The following RAVER2 variants were observed in gnomAD, a reference collection of about 807,000 sequenced individuals.
RAVER2 encodes the protein ribonucleoprotein, PTB binding 2.
RAVER2 carries 46 observed loss-of-function variants against 78.1 expected under a neutral mutation model. The ratio of observed to expected loss-of-function variants is 0.59; its 90% confidence interval spans 0.46 to 0.75. The LOEUF (loss-of-function observed/expected upper bound fraction) is 0.75. Among genes scored for constraint, RAVER2 ranks in the 30% least tolerant of loss-of-function variants. RAVER2 has a pLI of 0.00. For missense variants in RAVER2, 793 were observed against 837.5 expected, an observed-to-expected ratio of 0.95 and a Z score of 0.66; for synonymous variants, 311 against 313.3, an observed-to-expected ratio of 0.99 and a Z score of 0.08.
Position 64,794,255 on chromosome 1 carries a change from G to A in RAVER2, c.1105+4741G>A, listed in dbSNP as rs374217439. ...CTACTAAAAATACAAAAAATTAGCCGGGCGTGGTGGTGGGCGCCTGTAGTC... is the reference window on the plus strand; with the variant it reads ...CTACTAAAAATACAAAAAATTAGCCAGGCGTGGTGGTGGGCGCCTGTAGTC... On this transcript the variant is annotated intron_variant, in intron 5 of 11. Transcript: ENST00000294428. 2.9e-4 allele frequency among the ~76,000 whole-genome samples: 44 copies of A among 152,008 alleles called. 7 individuals are homozygous for A. Among genetic ancestry groups the A allele is most frequent in the Admixed American group, 4.6e-4 (7 of 15,252 alleles).
At chr1:64,807,857 C>T (rs1435953980) in intron 9 of RAVER2, among the ~76,000 whole-genome samples, 2 of 152,050 alleles carry the variant, frequency 1.3e-5, no homozygotes, top group Non-Finnish European at 2.9e-5. Flanking sequence ...TTCAAAAATA[C>T]TTGCTATTTT....
At chr1:64,819,244 A>G (rs965885649) in intron 11 of RAVER2, among the ~76,000 whole-genome samples, 1 of 152,222 alleles carries the variant, frequency 6.6e-6, no homozygotes, top group Non-Finnish European at 1.5e-5. Flanking sequence ...TATGTTTAGG[A>G]ACTTAAAAGA....
intron 11 of RAVER2, among the ~76,000 whole-genome samples, chr1:64,817,110 T>C (rs955840991): frequency 2.0e-5 from 3 of 152,104 alleles, no homozygotes; most frequent in Admixed American, 2.0e-4. Context: ...AACAGACACT[T>C]CTCAAAAGAA....
At chr1:64,746,882 A>C (rs1009457688) in intron 1 of RAVER2, among the ~76,000 whole-genome samples, 1 of 152,248 alleles carries the variant, frequency 6.6e-6, no homozygotes, top group African/African-American at 2.4e-5. Context: ...TTTTTTAAAA[A>C]AACAAATTTA....
intron 3 of RAVER2, among the ~76,000 whole-genome samples, chr1:64,778,397 A>G (rs1652533268): frequency 6.6e-6 from 1 of 152,154 alleles, no homozygotes; most frequent in Admixed American, 6.6e-5. Flanking sequence ...ACTTTTATTT[A>G]CCATCTTCTG....
chr1:64,796,401 T>G (rs990956183), intron 5 of RAVER2, among the ~76,000 whole-genome samples: 1 of 152,052 alleles, frequency 6.6e-6, no homozygotes, highest in Non-Finnish European at 1.5e-5. Flanking sequence ...ATCAGCTGTG[T>G]CAAATTTTTT....
At chr1:64,771,739 G>A (rs1410224810) in intron 2 of RAVER2, among the ~76,000 whole-genome samples, 1 of 152,024 alleles carries the variant, frequency 6.6e-6, no homozygotes, top group African/African-American at 2.4e-5. Flanking sequence ...ATAAGTTAAA[G>A]ATGTATACTG....
intron 11 of RAVER2, among the ~76,000 whole-genome samples, chr1:64,825,905 C>T (rs2100903565): frequency 6.6e-6 from 1 of 152,304 alleles, no homozygotes; most frequent in Non-Finnish European, 1.5e-5. Context: ...TAGATGTGTG[C>T]AAAAGATTGG....
intron 4 of RAVER2, among the ~76,000 whole-genome samples, chr1:64,786,279 A>G (rs1020316937): frequency 6.6e-6 from 1 of 152,180 alleles, no homozygotes; most frequent in Non-Finnish European, 1.5e-5. Flanking sequence ...TTCTTTAGAA[A>G]TCATATTTGG....
exon 9 of RAVER2, chr1:64,807,453 A>AGATAAGTTCAGG (rs1653473707): frequency 6.2e-7 from 1 of 1,614,044 alleles, no homozygotes; most frequent in Non-Finnish European, 8.5e-7. Context: ...GCCAGCCAAA[A>AGATAAGTTCAGG]GGCACAGAGA....
intron 5 of RAVER2, among the ~76,000 whole-genome samples, chr1:64,793,923 T>G (rs1240022196): frequency 6.6e-6 from 1 of 152,244 alleles, no homozygotes; most frequent in Non-Finnish European, 1.5e-5. Flanking sequence ...TTTCATTCTA[T>G]AATTTGCTTA....
chr1:64,748,304 G>A lies in RAVER2; in HGVS notation c.249+2883G>A, dbSNP rs569185482. Among the ~76,000 whole-genome samples the A allele has an allele frequency of 2.0e-4, 31 of 152,130 alleles. No homozygotes were observed. In the South Asian group the frequency reaches 6.2e-3, roughly 31 times the overall value. On this transcript the variant is annotated intron_variant, in intron 1 of 11. Coordinates refer to ENST00000294428, the Ensembl canonical transcript of RAVER2. ...CTCAGCTCTGGTTCAAGTCCTTTTC[G>A]TCTCTTGTTCACTGTTAACAACTTT...
chr1:64,781,346 C>G (rs748777500), intron 3 of RAVER2, 34 bp from the exon 4 acceptor site: 2 of 1,466,912 alleles, frequency 1.4e-6, no homozygotes, highest in South Asian at 1.6e-5. Flanking sequence ...AAGTAAAGAT[C>G]GGAATTACTG....
chr1:64,792,162 A>G (rs554909097), intron 5 of RAVER2, among the ~76,000 whole-genome samples: 1 of 152,340 alleles, frequency 6.6e-6, no homozygotes, highest in African/African-American at 2.4e-5. Flanking sequence ...TATACATCTT[A>G]TATCTCTTTG....
chr1:64,760,633 A>AG (rs2100813109), intron 1 of RAVER2, among the ~76,000 whole-genome samples: 1 of 152,278 alleles, frequency 6.6e-6, no homozygotes, highest in East Asian at 1.9e-4. Flanking sequence ...GAAAGTGTAT[A>AG]GGGCATGTTA....
intron 1 of RAVER2, among the ~76,000 whole-genome samples, chr1:64,759,472 G>T (rs988588612): frequency 1.9e-4 from 28 of 151,170 alleles, no homozygotes; most frequent in Admixed American, 4.0e-4. Context: ...GCCCGCCTCG[G>T]CCTCCCAAAG....
At position 64,812,420 on chromosome 1, in the gene RAVER2, T is replaced by C. The variant is rs188879576; in HGVS notation, c.1681-318T>C. Among the ~76,000 whole-genome samples the C allele has an allele frequency of 2.6e-4, 39 of 149,240 alleles. 1 individual carries two copies. In the South Asian group the frequency reaches 7.6e-3, roughly 29 times the overall value. ...ATAGATAGACAGACAGACAGACAGA[T>C]AGATAACAGTGTTTCTGGAAAAGAG... On this transcript the variant is annotated intron_variant, in intron 9 of 11. Coordinates refer to ENST00000294428, the Ensembl canonical transcript of RAVER2.
intron 1 of RAVER2, among the ~76,000 whole-genome samples, chr1:64,762,244 T>C (rs181067397): frequency 6.6e-5 from 10 of 152,318 alleles, no homozygotes; most frequent in Non-Finnish European, 1.3e-4. Flanking sequence ...CTGAAGACTA[T>C]AAATATTTCA....
chr1:64,812,733 A>G lies in RAVER2; in HGVS notation c.1681-5A>G. On this transcript the variant is annotated splice_region_variant and splice_polypyrimidine_tract_variant and intron_variant, in intron 9 of 11. Coordinates refer to ENST00000294428, the Ensembl canonical transcript of RAVER2. ...AGTACTCCCTCCTTTGTTTTTGTTA[A>G]ATAGGCTGCCTCTAAGAATCAAACT... The G allele has an allele frequency of 6.2e-7, 1 of 1,604,716 alleles. No individual in the cohort carries two copies. The highest frequency in any genetic ancestry group is 1.1e-5 in the South Asian group (1 of 89,602).
Sources: gnomAD v4.1 joint callset for allele counts (sites outside exome capture counted in the v4.1 genomes callset) on GRCh38, gnomAD v4.1.1 for gene constraint, MANE v1.5 for transcripts, NCBI Gene and HGNC (gene_info 2026-07-23, HGNC 2026-07-21) for gene names.